RUNX3: variants seen among roughly 807,000 people sequenced by gnomAD.
RUNX3 encodes the protein runt-related transcription factor 3.
In RUNX3, 10 loss-of-function variants were observed where a neutral mutation model predicts 27.7. The ratio of observed to expected loss-of-function variants is 0.36; its 90% CI spans 0.22 to 0.61. The LOEUF (loss-of-function observed/expected upper bound fraction) is 0.61, where lower values mean the gene tolerates loss of function less well. Among genes scored for constraint, RUNX3 ranks in the 20% least tolerant of loss-of-function variants. The pLI, the probability that RUNX3 is intolerant of heterozygous loss-of-function variation, is 0.72. For missense variants in RUNX3, 469 were observed against 629.5 expected, an observed-to-expected ratio of 0.75 and a Z score of 2.73; for synonymous variants, 270 against 269.2, an observed-to-expected ratio of 1.00 and a Z score of -0.03.
chr1:24,944,723 T>G (rs1473157153), intron 2 of RUNX3, among the ~76,000 whole-genome samples: 2 of 152,040 alleles, frequency 1.3e-5, no homozygotes, highest in East Asian at 1.9e-4. Context: ...AGCTGTGGGC[T>G]TTGAAGGTGG....
intron 2 of RUNX3, among the ~76,000 whole-genome samples, chr1:24,944,735 G>A (rs1464213848): frequency 6.6e-6 from 1 of 152,230 alleles, no homozygotes; most frequent in East Asian, 1.9e-4. Context: ...TGAAGGTGGA[G>A]GAAGGGGCTA....
chr1:24,931,155 C>T (rs1641219272), upstream of RUNX3, among the ~76,000 whole-genome samples: 1 of 152,232 alleles, frequency 6.6e-6, no homozygotes. Flanking sequence ...AAAAGAAAAA[C>T]AGCAGTGGCT....
intron 2 of RUNX3, among the ~76,000 whole-genome samples, chr1:24,954,799 G>A (rs771586449): frequency 1.3e-5 from 2 of 152,178 alleles, no homozygotes; most frequent in Non-Finnish European, 2.9e-5. Flanking sequence ...CTCGTGAGTG[G>A]GTGCGGGAGG....
At chr1:24,950,284 A>G (rs907952281) in intron 2 of RUNX3, among the ~76,000 whole-genome samples, 1 of 152,110 alleles carries the variant, frequency 6.6e-6, no homozygotes, top group Non-Finnish European at 1.5e-5. Context: ...GCAGACCCTC[A>G]CAGATGCTCA....
chr1:24,919,209 G>C (rs185077781), intron 3 of RUNX3, 31 bp downstream of exon 3: 1 of 1,414,128 alleles, frequency 7.1e-7, no homozygotes, highest in Non-Finnish European at 9.8e-7. Context: ...CCTCCCCCGC[G>C]CAGGGGCTCA....
At chr1:24,917,225 A>G (rs577001014) in intron 3 of RUNX3, among the ~76,000 whole-genome samples, 1 of 151,964 alleles carries the variant, frequency 6.6e-6, no homozygotes, top group African/African-American at 2.4e-5. Context: ...CCGCATCCCC[A>G]CCCAGAGCCC....
In RUNX3 at chr1:24,901,060, A is replaced by T. The variant is rs1571295688; in HGVS notation, c.*1062T>A. On this transcript the variant is annotated 3_prime_UTR_variant, in exon 5 of 5. Transcript: ENST00000308873. ...TGTTTTTTTTTTTTTTTTGCTCAGG[A>T]CTATTTGCTTTCAGAGCACAAAACA... 2 of 75,744 alleles carry T rather than the reference A, an allele frequency of 2.6e-5. No homozygotes were observed. Among genetic ancestry groups the T allele is most frequent in the Admixed American group, 1.8e-4 (1 of 5,664 alleles). The allele number at this position is 75,744 out of a possible 1,614,324, so 4.7% of individuals were successfully genotyped here. A position where few individuals can be genotyped will look rare whatever the true frequency, so the allele number is the denominator to read the frequency against.
At chr1:24,930,439 G>C (rs966670434), upstream of RUNX3, among the ~76,000 whole-genome samples, 1 of 152,034 alleles carries the variant, frequency 6.6e-6, no homozygotes, top group Admixed American at 6.5e-5. This position sits in a 1 kb window ranked among gnomAD's most constrained non-coding sequence, Gnocchi z 4.1. Context: ...AACGGGGAGG[G>C]GCGGAAGGCG....
intron 3 of RUNX3, among the ~76,000 whole-genome samples, chr1:24,918,262 C>G (rs1398158455): frequency 6.6e-6 from 1 of 152,156 alleles, no homozygotes; most frequent in Admixed American, 6.5e-5. Context: ...CCCAGGCCTG[C>G]TCAGCCTAGA....
rs568746792 is a variant in RUNX3, at chr1:24,904,501, C to T, written c.704-1835G>A. ...CCGGCCCCTTGAGGCCGAGAGCCTC[C>T]GAGGCACCTGGCTGCCAGTTTTCAT... On this transcript the variant is annotated intron_variant, in intron 4 of 4. Coordinates refer to ENST00000308873, the MANE Select transcript of RUNX3 (RefSeq NM_004350.3). This position sits in a 1 kb window ranked among gnomAD's most constrained non-coding sequence, Gnocchi z 5.7. 4.1e-4 allele frequency among the ~76,000 whole-genome samples: 63 copies of T among 152,292 alleles called. No homozygotes were observed. The highest frequency in any genetic ancestry group is 1.5e-3 in the African/African-American group (61 of 41,558).
At chr1:24,949,858 G>A (rs1641713635) in intron 2 of RUNX3, among the ~76,000 whole-genome samples, 1 of 152,260 alleles carries the variant, frequency 6.6e-6, no homozygotes, top group South Asian at 2.1e-4. Context: ...CAGAGCATGG[G>A]GCCACCCCAG....
chr1:24,959,975 C>T (rs1294794405), intron 2 of RUNX3, among the ~76,000 whole-genome samples: 1 of 152,216 alleles, frequency 6.6e-6, no homozygotes, highest in Non-Finnish European at 1.5e-5. Context: ...CCTGGAACAT[C>T]CTTTCCCTGT....
chr1:24,953,855 A>G (rs191678434), intron 2 of RUNX3, among the ~76,000 whole-genome samples: 2 of 152,326 alleles, frequency 1.3e-5, no homozygotes, highest in Admixed American at 1.3e-4. Context: ...CTAAATTTGA[A>G]TGCTTCTGGT....
rs541970382 is a variant in RUNX3, at chr1:24,900,659, T to G, written c.*1463A>C. The G allele has an allele frequency of 5.9e-5, 9 of 152,540 alleles. No individual in the cohort carries two copies. The East Asian group carries it at 1.5e-3, about 26-fold the overall frequency. 9.4% of individuals were successfully genotyped at this position (152,540 alleles called of 1,614,324 possible). ...CTGTCCTGCCACGCACAGCCAGTAC[T>G]CCCCACCTCTCACATCCTGCCCACC... is the stretch of plus-strand genomic sequence containing the variant. On this transcript the variant is annotated 3_prime_UTR_variant, in exon 5 of 5. Transcript: ENST00000308873.
chr1:24,952,753 T>A (rs1162434587), intron 2 of RUNX3, among the ~76,000 whole-genome samples: 2 of 152,178 alleles, frequency 1.3e-5, no homozygotes, highest in Non-Finnish European at 2.9e-5. Flanking sequence ...AATGTCTCCA[T>A]CATACAGATG....
At chr1:24,912,764 C>T (rs556402486) in intron 3 of RUNX3, among the ~76,000 whole-genome samples, 1 of 151,792 alleles carries the variant, frequency 6.6e-6, no homozygotes, top group South Asian at 2.1e-4. Flanking sequence ...GACACACAGC[C>T]ACCTGCTCTC....
intron 2 of RUNX3, among the ~76,000 whole-genome samples, chr1:24,954,282 A>G (rs1029944088): frequency 6.6e-6 from 1 of 152,252 alleles, no homozygotes; most frequent in African/African-American, 2.4e-5. Flanking sequence ...ACAACGTAAA[A>G]TGCAGACAGG....
At chr1:24,930,310 C>A (rs1198245569), upstream of RUNX3, 3 of 852,578 alleles carry the variant, frequency 3.5e-6, no homozygotes, top group Non-Finnish European at 4.2e-6. The surrounding 1 kb of genome is among the most constrained non-coding windows in gnomAD (Gnocchi z 4.1). Flanking sequence ...GTTAGTACCC[C>A]CGGGGCCCGC....
chr1:24,937,554 G>A (rs566444635), intron 2 of RUNX3, among the ~76,000 whole-genome samples: 1 of 152,348 alleles, frequency 6.6e-6, no homozygotes, highest in East Asian at 1.9e-4. Context: ...GCTCAGAGAG[G>A]CTTCCATATG....
Sources: allele counts gnomAD v4.1 joint callset (sites outside exome capture counted in the v4.1 genomes callset), GRCh38; gene constraint gnomAD v4.1.1; non-coding constraint Gnocchi (gnomAD v3.1); transcripts MANE v1.5; gene names NCBI Gene and HGNC (gene_info 2026-07-23, HGNC 2026-07-21).